The following LINC00305 variants were observed in gnomAD, a reference collection of about 807,000 sequenced individuals.
LINC00305 encodes long independently transcribed non-coding RNA 305.
At chr18:64,136,432 G>A (rs1177239624) in intron 1 of LINC00305, among the ~76,000 whole-genome samples, 15 of 152,210 alleles carry the variant, frequency 9.9e-5, no homozygotes, top group Middle Eastern at 3.4e-3. Flanking sequence ...TTCACAGGGC[G>A]GCAGAAGAGA....
At chr18:64,081,163 C>A (rs2051183560) in intron 3 of LINC00305, among the ~76,000 whole-genome samples, 1 of 152,162 alleles carries the variant, frequency 6.6e-6, no homozygotes, top group South Asian at 2.1e-4. Context: ...TTATAAACTT[C>A]AAGCTTAGCT....
intron 1 of LINC00305, among the ~76,000 whole-genome samples, chr18:64,103,810 T>C (rs1001967881): frequency 2.0e-5 from 3 of 152,206 alleles, no homozygotes; most frequent in Non-Finnish European, 2.9e-5. Flanking sequence ...ACTACTCTTT[T>C]GGTGTTGCTT....
chr18:64,133,784 A>G (rs2144270680), intron 1 of LINC00305, among the ~76,000 whole-genome samples: 1 of 152,286 alleles, frequency 6.6e-6, no homozygotes, highest in Admixed American at 6.5e-5. Context: ...TCATAGAACA[A>G]CAAAAAAGGT....
intron 1 of LINC00305, among the ~76,000 whole-genome samples, chr18:64,112,290 G>A (rs888625847): frequency 1.4e-5 from 2 of 144,358 alleles, no homozygotes; most frequent in African/African-American, 2.6e-5. Context: ...TACACGCTGC[G>A]ATTTAAGAAA....
chr18:64,103,791 TTATC>T (rs2051277720), intron 1 of LINC00305, among the ~76,000 whole-genome samples: 1 of 152,202 alleles, frequency 6.6e-6, no homozygotes, highest in African/African-American at 2.4e-5. Flanking sequence ...CATGCTGTGT[TTATC>T]TATAACTACT....
intron 1 of LINC00305, among the ~76,000 whole-genome samples, chr18:64,122,967 T>C (rs913795828): frequency 1.3e-5 from 2 of 152,136 alleles, no homozygotes. Flanking sequence ...TAAATGGGAT[T>C]GTCTTCTTGA....
chr18:64,088,927 G>A (rs902554756), intron 3 of LINC00305, among the ~76,000 whole-genome samples: 4 of 152,064 alleles, frequency 2.6e-5, no homozygotes, highest in African/African-American at 7.2e-5. Context: ...AACAGAAAAC[G>A]GGACCAACCT....
At chr18:64,099,699 G>A (rs952006272) in intron 1 of LINC00305, among the ~76,000 whole-genome samples, 1 of 152,186 alleles carries the variant, frequency 6.6e-6, no homozygotes, top group African/African-American at 2.4e-5. Context: ...CCATCAGGGA[G>A]AATAAAATCC....
At chr18:64,097,963 C>T (rs1287204699) in exon 3 of LINC00305, 2 of 457,842 alleles carry the variant, frequency 4.4e-6, no homozygotes, top group Admixed American at 2.3e-5. Flanking sequence ...TCCTGCTTTC[C>T]CTTTTCATCT....
chr18:64,098,194 G>A (rs926604759), intron 2 of LINC00305, among the ~76,000 whole-genome samples: 3 of 152,144 alleles, frequency 2.0e-5, no homozygotes, highest in Non-Finnish European at 4.4e-5. Context: ...TCAATATTCA[G>A]ATTTTAAAAA....
chr18:64,083,270 T>A (rs567197819), intron 3 of LINC00305, among the ~76,000 whole-genome samples: 32 of 152,224 alleles, frequency 2.1e-4, no homozygotes, highest in African/African-American at 7.7e-4. Context: ...CTTTGCAGCT[T>A]CCCCTTGCTT....
chr18:64,123,389 G>T (rs2051370637), intron 1 of LINC00305, among the ~76,000 whole-genome samples: 1 of 151,660 alleles, frequency 6.6e-6, no homozygotes, highest in South Asian at 2.1e-4. Flanking sequence ...TTCTTTTTTA[G>T]GAATATTTAA....
intron 3 of LINC00305, among the ~76,000 whole-genome samples, chr18:64,093,924 A>G (rs1357901755): frequency 1.4e-5 from 2 of 148,046 alleles, no homozygotes; most frequent in East Asian, 1.9e-4. Context: ...CTTACAGTTT[A>G]ATTGGAAAGA....
chr18:64,116,615 T>C (rs896349934), intron 1 of LINC00305, among the ~76,000 whole-genome samples: 4 of 152,192 alleles, frequency 2.6e-5, no homozygotes, highest in Non-Finnish European at 4.4e-5. Context: ...TGACAAACAT[T>C]GTATATATTT....
intron 1 of LINC00305, among the ~76,000 whole-genome samples, chr18:64,141,788 C>T (rs2051464756): frequency 6.6e-6 from 1 of 152,168 alleles, no homozygotes; most frequent in Non-Finnish European, 1.5e-5. Context: ...TCTCAAAACG[C>T]TTTGGTATGA....
chr18:64,124,852 T>G (rs542845824), intron 1 of LINC00305, among the ~76,000 whole-genome samples: 10 of 152,248 alleles, frequency 6.6e-5, no homozygotes, highest in African/African-American at 2.2e-4. Context: ...ATAAACTGTC[T>G]AGAATCCTGC....
intron 1 of LINC00305, among the ~76,000 whole-genome samples, chr18:64,135,899 T>G (rs2051431142): frequency 6.6e-6 from 1 of 151,808 alleles, no homozygotes; most frequent in African/African-American, 2.4e-5. Context: ...CATTATAGAT[T>G]GGTTTCCCAC....
chr18:64,084,741 G>T (rs932392739), intron 3 of LINC00305, among the ~76,000 whole-genome samples: 1 of 152,222 alleles, frequency 6.6e-6, no homozygotes, highest in Non-Finnish European at 1.5e-5. Context: ...CATTTTGGCT[G>T]TGCTCACTTA....
intron 1 of LINC00305, among the ~76,000 whole-genome samples, chr18:64,101,068 C>T (rs1238918142): frequency 1.3e-5 from 2 of 152,098 alleles, no homozygotes; most frequent in Admixed American, 1.3e-4. Flanking sequence ...CTGAGCAACC[C>T]CGTCTCTACC....
Sources: gnomAD v4.1 joint callset for allele counts (sites outside exome capture counted in the v4.1 genomes callset) on GRCh38, gnomAD v4.1.1 for gene constraint, MANE v1.5 for transcripts, NCBI Gene and HGNC (gene_info 2026-07-23, HGNC 2026-07-21) for gene names.